The following UTRN variants were observed in gnomAD, a reference collection of about 807,000 sequenced individuals.
UTRN encodes the protein dystrophin-related protein 1.
Under a neutral mutation model 463.9 loss-of-function variants are expected in UTRN, and 283 were observed. The ratio of observed to expected loss-of-function variants is 0.61; its 90% CI spans 0.55 to 0.67. The LOEUF (loss-of-function observed/expected upper bound fraction) is 0.67. Ranked by LOEUF, UTRN falls within the 30% of genes least tolerant of loss-of-function variation. UTRN has a pLI of 0.00. For synonymous variants in UTRN, 1,442 were observed against 1,431.5 expected (o/e 1.01, Z -0.17); for missense variants, 3,922 against 4,084.3 (o/e 0.96, Z 1.08).
intron 60 of UTRN, among the ~76,000 whole-genome samples, chr6:144,779,607 T>C (rs1336533458): frequency 6.6e-6 from 1 of 152,166 alleles, no homozygotes; most frequent in East Asian, 1.9e-4. Flanking sequence ...CAGTTGGTGT[T>C]GCTGTCTCAG....
intron 51 of UTRN, among the ~76,000 whole-genome samples, chr6:144,584,604 T>G (rs1802281139): frequency 6.6e-6 from 1 of 152,152 alleles, no homozygotes; most frequent in Non-Finnish European, 1.5e-5. Context: ...GGAAGCAGTA[T>G]TCCATTAACT....
rs1781769583 is a variant in UTRN, at chr6:144,843,502, A to T, written c.10270+2670A>T. Reference sequence around the variant, plus strand: ...AGCAAAAATGAATTGTAACAGGTAAATGTATGTATCTCTTTTTATGGCCTC... The same window carrying T: ...AGCAAAAATGAATTGTAACAGGTAATTGTATGTATCTCTTTTTATGGCCTC... On this transcript the variant is annotated intron_variant, in intron 73 of 74. Transcript: ENST00000367545. Among the ~76,000 whole-genome samples, 5 of 152,206 alleles carry T rather than the reference A, an allele frequency of 3.3e-5. No individual in the cohort carries two copies. The South Asian group carries it at 1.0e-3, about 31-fold the overall frequency.
intron 74 of UTRN, among the ~76,000 whole-genome samples, chr6:144,848,884 G>A (rs9376865): frequency 2.0e-5 from 3 of 151,752 alleles, no homozygotes; most frequent in Non-Finnish European, 4.4e-5. Context: ...GCATAATGGA[G>A]TCATATAGTC....
chr6:144,842,043 G>T (rs1298180450), intron 73 of UTRN, among the ~76,000 whole-genome samples: 1 of 146,848 alleles, frequency 6.8e-6, no homozygotes, highest in Non-Finnish European at 1.5e-5. Flanking sequence ...CTGGGAGGTA[G>T]AGGTTGCAAT....
In UTRN at chr6:144,709,149, G is replaced by A. The variant is rs986369437; in HGVS notation, c.7809+8906G>A. Among the ~76,000 whole-genome samples the A allele has an allele frequency of 4.7e-4, 72 of 152,202 alleles. 1 individual carries two copies. Among genetic ancestry groups the A allele is most frequent in the Admixed American group, 9.2e-4 (14 of 15,268 alleles). On this transcript the variant is annotated intron_variant, in intron 53 of 74. Transcript: ENST00000367545. ...GGGGACATTCAAACCATAGTACTTC[G>A]TTGCAATTCGGGCAAGCTTTTAGTT...
chr6:144,787,913 A>G (rs1278921430), intron 61 of UTRN, among the ~76,000 whole-genome samples: 2 of 152,158 alleles, frequency 1.3e-5, no homozygotes, highest in Admixed American at 1.3e-4. Context: ...TAATAAAGAT[A>G]GCAATAAAGG....
At chr6:144,517,925 C>T (rs1446782232) in intron 39 of UTRN, among the ~76,000 whole-genome samples, 1 of 152,188 alleles carries the variant, frequency 6.6e-6, no homozygotes, top group Non-Finnish European at 1.5e-5. Flanking sequence ...AAAAACTAGC[C>T]ATTCTCTCAA....
chr6:144,563,666 G>A (rs903896939), intron 50 of UTRN, among the ~76,000 whole-genome samples: 1 of 152,036 alleles, frequency 6.6e-6, no homozygotes, highest in African/African-American at 2.4e-5. Context: ...TTTTCAACTT[G>A]TTTTGTTTAT....
At chr6:144,361,339 A>G (rs1328542263) in intron 2 of UTRN, among the ~76,000 whole-genome samples, 3 of 152,190 alleles carry the variant, frequency 2.0e-5, no homozygotes, top group Admixed American at 1.3e-4. Flanking sequence ...TGCTCTACTA[A>G]TTTTGTCCTT....
At chr6:144,644,671 A>G (rs1778108281) in intron 51 of UTRN, among the ~76,000 whole-genome samples, 1 of 152,100 alleles carries the variant, frequency 6.6e-6, no homozygotes. Flanking sequence ...TCATTTTGTA[A>G]TTCTTAGTTT....
At chr6:144,751,682 T>C in intron 55 of UTRN, 124 bp from the exon 56 acceptor site, 1 of 889,198 alleles carries the variant, frequency 1.1e-6, no homozygotes, top group South Asian at 2.8e-5. Context: ...CCAGGAAGTT[T>C]GGTTGAGAAA....
intron 19 of UTRN, among the ~76,000 whole-genome samples, chr6:144,457,214 G>T (rs1303043435): frequency 6.6e-6 from 1 of 152,168 alleles, no homozygotes; most frequent in Non-Finnish European, 1.5e-5. Context: ...ATTAGAGAAA[G>T]GGAGATTCAG....
chr6:144,589,254 G>C (rs1802768745), intron 51 of UTRN, among the ~76,000 whole-genome samples: 1 of 152,156 alleles, frequency 6.6e-6, no homozygotes, highest in Admixed American at 6.5e-5. Context: ...ACTGTTAGCT[G>C]TTATGATGGG....
In UTRN at chr6:144,440,446, C is replaced by T. The variant is rs1787035578; in HGVS notation, c.1487C>T (p.Thr496Ile). Residue 496 changes from threonine to isoleucine, a missense_variant, in exon 13 of 75, where the codon ACA becomes ATA. Physicochemically the swap from Thr to Ile is moderately conservative, Grantham distance 89. Transcript: ENST00000367545. ...GATGAAAACAGTGGTGAGAGTGCTA[C>T]AGCTATCCTAGAAGACCAGTTACAG... ...IVDENSGESA[T>I]AILEDQLQKL... is the part of the protein sequence containing the mutation. The T allele has an allele frequency of 1.2e-6, 2 of 1,614,022 alleles. No individual in the cohort carries two copies. Among genetic ancestry groups the T allele is most frequent in the African/African-American group, 1.3e-5 (1 of 74,926 alleles).
intron 51 of UTRN, among the ~76,000 whole-genome samples, chr6:144,606,014 AT>A (rs370864380): frequency 2.6e-5 from 4 of 151,850 alleles, no homozygotes; most frequent in Admixed American, 1.3e-4. Context: ...ATGTTTTGTG[AT>A]TTTTTTCATG....
chr6:144,695,047 G>T (rs1783845545), intron 52 of UTRN, among the ~76,000 whole-genome samples: 1 of 150,590 alleles, frequency 6.6e-6, no homozygotes, highest in Non-Finnish European at 1.5e-5. Flanking sequence ...ATATGCATTG[G>T]TTCTGTATTT....
chr6:144,744,035 C>T (rs962944728), intron 54 of UTRN, among the ~76,000 whole-genome samples: 1 of 149,398 alleles, frequency 6.7e-6, no homozygotes, highest in Non-Finnish European at 1.5e-5. Flanking sequence ...TGCCTGTAAT[C>T]TTAGCCCTTT....
intron 69 of UTRN, among the ~76,000 whole-genome samples, chr6:144,831,446 A>C (rs913090018): frequency 2.0e-5 from 3 of 152,146 alleles, no homozygotes; most frequent in Non-Finnish European, 4.4e-5. Context: ...GGTGACCTCA[A>C]GGTGCTAGAT....
chr6:144,493,439 A>G lies in UTRN; in HGVS notation c.4576A>G (p.Asn1526Asp), dbSNP rs756392672. ...GCTGACTTCCCTGAAGGTTCTTTAC[A>G]ATGACCTGGGCGCACAGGTGAGGAG... ...EQLTSLKVLY[N>D]DLGAQVTEGK... Residue 1526 changes from asparagine (N) to aspartate (D), a missense_variant, in exon 33 of 75, where the codon AAT becomes GAT. Physicochemically the swap from Asn to Asp is conservative, Grantham distance 23 (BLOSUM62 1). Coordinates refer to ENST00000367545, the MANE Select transcript of UTRN (RefSeq NM_007124.3). The G allele has an allele frequency of 1.2e-6, 2 of 1,613,934 alleles. No individual in the cohort carries two copies. Among genetic ancestry groups the G allele is most frequent in the South Asian group, 2.2e-5 (2 of 91,058 alleles).
Sources: gnomAD v4.1 joint callset for allele counts (sites outside exome capture counted in the v4.1 genomes callset) on GRCh38, gnomAD v4.1.1 for gene constraint, MANE v1.5 for transcripts, NCBI Gene and HGNC (gene_info 2026-07-23, HGNC 2026-07-21) for gene names.